Variants in KIDINS220 observed in about 807,000 individuals in gnomAD.
KIDINS220 encodes the protein kinase D-interacting substrate of 220 kDa.
KIDINS220 carries 63 observed loss-of-function variants against 157.6 expected under a neutral mutation model. The observed-to-expected ratio is 0.40, with a 90% CI of 0.33 to 0.49. The LOEUF (loss-of-function observed/expected upper bound fraction) is 0.49, where lower values mean the gene tolerates loss of function less well. Ranked by LOEUF, KIDINS220 falls within the 20% of genes least tolerant of loss-of-function variation. KIDINS220 has a pLI of 0.66. For synonymous variants in KIDINS220, 732 were observed against 783.6 expected (o/e 0.93, Z 1.10); for missense variants, 1,772 against 2,171.2 (o/e 0.82, Z 3.65).
At position 8,753,540 on chromosome 2, in the gene KIDINS220, C is replaced by A. The variant is rs190928759; in HGVS notation, c.3012-1896G>T. Among the ~76,000 whole-genome samples, 35 of 152,206 alleles carry A rather than the reference C, an allele frequency of 2.3e-4. 1 individual carries two copies. In the East Asian group the frequency reaches 6.6e-3, roughly 29 times the overall value. On this transcript the variant is annotated intron_variant, in intron 22 of 29. Transcript: ENST00000256707. Reference sequence around the variant, plus strand: ...GTGAGATTGGTCAATTTAAATATGGCAGTTTATTGTATGTCAATTACACCT... The same window carrying A: ...GTGAGATTGGTCAATTTAAATATGGAAGTTTATTGTATGTCAATTACACCT...
chr2:8,830,788 A>G (rs1179044843), intron 1 of KIDINS220, among the ~76,000 whole-genome samples: 1 of 152,058 alleles, frequency 6.6e-6, no homozygotes, highest in African/African-American at 2.4e-5. Context: ...AGTCCCAGAA[A>G]AGGGCTCTGA....
At chr2:8,820,859 T>C (rs1170225273) in intron 2 of KIDINS220, among the ~76,000 whole-genome samples, 1 of 152,248 alleles carries the variant, frequency 6.6e-6, no homozygotes, top group East Asian at 1.9e-4. Flanking sequence ...CTGTCCGCTC[T>C]AGGTTCTTTG....
intron 26 of KIDINS220, chr2:8,746,914 C>T (rs1666665372): frequency 2.1e-6 from 1 of 472,236 alleles, no homozygotes; most frequent in African/African-American, 2.0e-5. Context: ...AAAACCCCAT[C>T]CCATGTATTG....
At position 8,810,528 on chromosome 2, in the gene KIDINS220, G is replaced by A. The variant is rs1271221017; in HGVS notation, c.504+1867C>T. 2.6e-5 allele frequency among the ~76,000 whole-genome samples: 4 copies of A among 152,348 alleles called. No homozygotes were observed. The East Asian group carries it at 5.8e-4, about 22-fold the overall frequency. On this transcript the variant is annotated intron_variant, in intron 6 of 29. Coordinates refer to ENST00000256707, the MANE Select transcript of KIDINS220 (RefSeq NM_020738.4). Reference sequence around the variant, plus strand: ...AGGCTGGGCGTGGTGGCTCACGCTTGTAATCCCAGCACTTTGGGAGGCCAA... The same window carrying A: ...AGGCTGGGCGTGGTGGCTCACGCTTATAATCCCAGCACTTTGGGAGGCCAA...
chr2:8,727,446 A>G (rs1295811612), downstream of KIDINS220, among the ~76,000 whole-genome samples: 2 of 152,236 alleles, frequency 1.3e-5, no homozygotes, highest in East Asian at 1.9e-4. Context: ...CTCAGGAGTT[A>G]GCCAGGAATT....
intron 13 of KIDINS220, 21 bp from the exon 14 acceptor site, chr2:8,790,080 A>C (rs1672986680): frequency 6.4e-7 from 1 of 1,574,582 alleles, no homozygotes; most frequent in Admixed American, 2.1e-5. Flanking sequence ...ATTTAATACG[A>C]AACCTTATTC....
At chr2:8,780,564 G>A (rs62104374) in intron 17 of KIDINS220, among the ~76,000 whole-genome samples, 2 of 151,474 alleles carry the variant, frequency 1.3e-5, no homozygotes, top group Non-Finnish European at 2.9e-5. Flanking sequence ...GTGTGTGTGT[G>A]TATAATGTAC....
intron 16 of KIDINS220, 65 bp from the exon 17 acceptor site, chr2:8,786,095 G>A: frequency 1.9e-6 from 3 of 1,556,226 alleles, no homozygotes; most frequent in Non-Finnish European, 2.6e-6. Context: ...TAACATTATA[G>A]TCACAATACC....
chr2:8,745,117 T>C (rs1038706944), intron 26 of KIDINS220, among the ~76,000 whole-genome samples: 4 of 152,228 alleles, frequency 2.6e-5, no homozygotes, highest in African/African-American at 9.6e-5. Context: ...TGTATTTGTC[T>C]ACATTCTTGA....
In KIDINS220 at chr2:8,818,798, A is replaced by C; in HGVS notation, c.109-5T>G. 1 of 1,539,456 alleles carries C rather than the reference A, an allele frequency of 6.5e-7. No homozygotes were observed. The highest frequency in any genetic ancestry group is 1.2e-5 in the South Asian group (1 of 84,850). On this transcript the variant is annotated splice_polypyrimidine_tract_variant and splice_region_variant and intron_variant, in intron 2 of 29. Coordinates refer to ENST00000256707, the MANE Select transcript of KIDINS220 (RefSeq NM_020738.4). ...CATCAGTGGAGTCTGGCCACACTAG[A>C]GAATATAAAAGACAAAGGGAACTTA... is the stretch of plus-strand genomic sequence containing the variant.
chr2:8,796,434 C>A (rs945562196), intron 11 of KIDINS220, among the ~76,000 whole-genome samples: 2 of 152,202 alleles, frequency 1.3e-5, no homozygotes, highest in Non-Finnish European at 2.9e-5. Context: ...TGAGCATCGG[C>A]CTCCTCCAGC....
At position 8,731,349 on chromosome 2, in the gene KIDINS220, T is replaced by A; in HGVS notation, c.4687A>T (p.Ile1563Phe). The change falls in exon 30 of 30, where the codon ATC becomes TTC. Residue 1563 changes from isoleucine to phenylalanine, a missense_variant. By Grantham distance (21) the Ile-to-Phe change is conservative. Around this residue, in one of 3 missense-constraint regions of KIDINS220, gnomAD observed 793 missense variants for 885.5 expected, o/e 0.90. Coordinates refer to ENST00000256707, the MANE Select transcript of KIDINS220 (RefSeq NM_020738.4). This position sits in a 1 kb window ranked among gnomAD's most constrained non-coding sequence, Gnocchi z 5.2. ...TCTTTGGCTTTAATGAAGGTTCTGA[T>A]CGGCTCAGCACTGTGTTCTGGAGAC... ...PKSPEHSAEP[I>F]RTFIKAKEYL... The A allele has an allele frequency of 6.2e-7, 1 of 1,614,228 alleles. No individual in the cohort carries two copies. Among genetic ancestry groups the A allele is most frequent in the Non-Finnish European group, 8.5e-7 (1 of 1,180,034 alleles).
chr2:8,731,910 T>C lies in KIDINS220; in HGVS notation c.4126A>G (p.Thr1376Ala). 8 of 1,612,840 alleles carry C rather than the reference T, an allele frequency of 5.0e-6. No individual in the cohort carries two copies. The highest frequency in any genetic ancestry group is 6.8e-6 in the Non-Finnish European group (8 of 1,179,642). ...QDSSIEISKL[T>A]DKVQAEYRDA... is the part of the protein sequence containing the mutation. Reference sequence around the variant, plus strand: ...CTATACTCGGCCTGCACCTTATCAGTAAGCTTTGAAATTTCAATACTGGAA... The same window carrying C: ...CTATACTCGGCCTGCACCTTATCAGCAAGCTTTGAAATTTCAATACTGGAA... The change falls in exon 30 of 30, where the codon ACT (threonine) becomes GCT (alanine). Residue 1376 changes from threonine to alanine, a missense_variant. Coordinates refer to ENST00000256707, the MANE Select transcript of KIDINS220 (RefSeq NM_020738.4). The surrounding 1 kb of genome is among the most constrained non-coding windows in gnomAD (Gnocchi z 5.2).
intron 17 of KIDINS220, 40 bp downstream of exon 17, chr2:8,785,701 T>C: frequency 1.3e-6 from 2 of 1,545,122 alleles, no homozygotes; most frequent in Non-Finnish European, 1.8e-6. Flanking sequence ...TGGCAACATA[T>C]TCGCATTACA....
chr2:8,792,271 T>C (rs1673296890), intron 12 of KIDINS220, among the ~76,000 whole-genome samples: 1 of 152,094 alleles, frequency 6.6e-6, no homozygotes, highest in African/African-American at 2.4e-5. Flanking sequence ...ACTACAAAAA[T>C]GTAAAACTTT....
intron 21 of KIDINS220, among the ~76,000 whole-genome samples, chr2:8,776,219 C>T (rs1670942159): frequency 6.6e-6 from 1 of 152,046 alleles, no homozygotes; most frequent in South Asian, 2.1e-4. Flanking sequence ...AAAGTACCAA[C>T]CAATACCCTG....
chr2:8,811,423 GAAGGGGCACCTAGGGT>G (rs2148368696), intron 6 of KIDINS220, among the ~76,000 whole-genome samples: 1 of 152,326 alleles, frequency 6.6e-6, no homozygotes, highest in East Asian at 1.9e-4. Context: ...GAGTACCCAG[GAAGGGGCACCTAGGGT>G]AAGGAGACTT....
chr2:8,772,591 A>T (rs930688212), intron 21 of KIDINS220, among the ~76,000 whole-genome samples: 3 of 152,222 alleles, frequency 2.0e-5, no homozygotes, highest in Non-Finnish European at 4.4e-5. Context: ...TATCTAGCCT[A>T]TAATTAGCTA....
chr2:8,741,006 G>A (rs900845918), intron 26 of KIDINS220, among the ~76,000 whole-genome samples: 2 of 152,084 alleles, frequency 1.3e-5, no homozygotes, highest in African/African-American at 4.8e-5. Context: ...CAATATCTGG[G>A]GCACTTCGTG....
Sources: gnomAD v4.1 joint callset for allele counts (sites outside exome capture counted in the v4.1 genomes callset) on GRCh38, gnomAD v4.1.1 for gene constraint, gnomAD v4.1.1 regional missense constraint, Gnocchi (gnomAD v3.1) non-coding constraint, MANE v1.5 for transcripts, NCBI Gene and HGNC (gene_info 2026-07-23, HGNC 2026-07-21) for gene names.